Variants in ATAD2B observed in about 807,000 individuals in gnomAD.
ATAD2B encodes ATPase family AAA domain containing 2B, also known as ATPase family AAA domain-containing protein 2B.
ATAD2B carries 40 observed loss-of-function variants against 167.6 expected under a neutral mutation model. That is an observed-to-expected ratio of 0.24 (90% CI 0.19 to 0.31). ATAD2B has a LOEUF of 0.31. Among genes scored for constraint, ATAD2B ranks in the 10% least tolerant of loss-of-function variants. ATAD2B has a pLI of 1.00. For missense variants in ATAD2B, 1,242 were observed against 1,757.2 expected (o/e 0.71, Z 5.24); for synonymous variants, 579 against 596.5 (o/e 0.97, Z 0.43).
the ATAD2B span, chr2:23,696,078 C>A: frequency 6.4e-7 from 1 of 1,551,846 alleles, no homozygotes; most frequent in Non-Finnish European, 8.7e-7. The surrounding 1 kb of genome is among the most constrained non-coding windows in gnomAD (Gnocchi z 5.5). Context: ...CGCTGCCCTT[C>A]TATGACCGCG....
chr2:23,818,744 T>C (rs999622534), intron 17 of ATAD2B, among the ~76,000 whole-genome samples: 1 of 152,222 alleles, frequency 6.6e-6, no homozygotes, highest in African/African-American at 2.4e-5. Context: ...TGAAGCTTTA[T>C]GGTCCTTCAA....
chr2:23,866,823 TAG>T (rs1260976547), intron 10 of ATAD2B, among the ~76,000 whole-genome samples: 1 of 152,222 alleles, frequency 6.6e-6, no homozygotes, highest in Non-Finnish European at 1.5e-5. Context: ...TTATGTTGTA[TAG>T]AGAGATTTTT....
At chr2:23,769,140 T>G (rs1446382890) in intron 22 of ATAD2B, among the ~76,000 whole-genome samples, 1 of 152,098 alleles carries the variant, frequency 6.6e-6, no homozygotes, top group African/African-American at 2.4e-5. Context: ...CTTATATCTC[T>G]CATATAAAAT....
chr2:23,849,427 A>T (rs1343522413), intron 13 of ATAD2B, among the ~76,000 whole-genome samples: 1 of 152,260 alleles, frequency 6.6e-6, no homozygotes, highest in Non-Finnish European at 1.5e-5. Flanking sequence ...AAAATTTCAA[A>T]ATATGTGAGA....
intron 10 of ATAD2B, among the ~76,000 whole-genome samples, chr2:23,865,628 T>C (rs968350393): frequency 5.9e-5 from 9 of 152,110 alleles, no homozygotes; most frequent in African/African-American, 2.2e-4. Flanking sequence ...GAGGCAAAAA[T>C]TGGTTCAAGG....
chr2:23,695,520 C>G, the ATAD2B span: 1 of 811,144 alleles, frequency 1.2e-6, no homozygotes, highest in Admixed American at 2.7e-5. This position sits in a 1 kb window ranked among gnomAD's most constrained non-coding sequence, Gnocchi z 7.6. Context: ...CCTAACACAG[C>G]CTGGAATTAT....
the ATAD2B span, chr2:23,695,802 C>T: frequency 6.5e-7 from 1 of 1,549,686 alleles, no homozygotes; most frequent in East Asian, 2.4e-5. This position sits in a 1 kb window ranked among gnomAD's most constrained non-coding sequence, Gnocchi z 7.6. Flanking sequence ...CGCCCCGAAC[C>T]CGGCCGCGCC....
chr2:23,831,040 A>G (rs1688974298), intron 14 of ATAD2B, among the ~76,000 whole-genome samples: 2 of 152,192 alleles, frequency 1.3e-5, no homozygotes, highest in Non-Finnish European at 2.9e-5. Flanking sequence ...TTGTCATACT[A>G]AAAACAAGAC....
intron 13 of ATAD2B, among the ~76,000 whole-genome samples, chr2:23,849,922 C>T (rs1013416543): frequency 6.6e-6 from 1 of 151,812 alleles, no homozygotes; most frequent in Non-Finnish European, 1.5e-5. Context: ...TGGCAGAATG[C>T]AAATTCACAG....
chr2:23,685,306 C>T, the ATAD2B span: 1 of 151,932 alleles, frequency 6.6e-6, no homozygotes, highest in Non-Finnish European at 1.5e-5. Context: ...GCAAAGAAGT[C>T]AGGGGCCACC....
In ATAD2B at chr2:23,764,891, C is replaced by A. The variant is rs550344920; in HGVS notation, c.3256+615G>T. Among the ~76,000 whole-genome samples, 7 of 152,322 alleles carry A rather than the reference C, an allele frequency of 4.6e-5. No individual in the cohort carries two copies. The South Asian group carries it at 1.0e-3, about 23-fold the overall frequency. ...CCTCCCTAGTCCATTAGAGAGAACACTTCTATATTCACTCCTTACTCTGAT... is the reference window on the plus strand; with the variant it reads ...CCTCCCTAGTCCATTAGAGAGAACAATTCTATATTCACTCCTTACTCTGAT... On this transcript the variant is annotated intron_variant, in intron 23 of 27. Transcript: ENST00000238789.
At chr2:23,840,860 GT>G (rs1414112745) in intron 13 of ATAD2B, among the ~76,000 whole-genome samples, 13 of 152,128 alleles carry the variant, frequency 8.5e-5, no homozygotes, top group Admixed American at 8.5e-4. Context: ...AGTTCTGTCA[GT>G]TTTTGTTTTA....
At chr2:23,842,410 C>T (rs1691062253) in intron 13 of ATAD2B, among the ~76,000 whole-genome samples, 1 of 152,108 alleles carries the variant, frequency 6.6e-6, no homozygotes, top group Non-Finnish European at 1.5e-5. Context: ...CATTATAATA[C>T]ATGAATATAT....
At chr2:23,824,359 A>ACAT (rs1406297168) in intron 15 of ATAD2B, among the ~76,000 whole-genome samples, 12 of 152,224 alleles carry the variant, frequency 7.9e-5, no homozygotes. Context: ...AGTCCTCATG[A>ACAT]CATCATACTC....
At chr2:23,881,360 C>CTTT (rs11361642) in intron 6 of ATAD2B, among the ~76,000 whole-genome samples, 4 of 80,190 alleles carry the variant, frequency 5.0e-5, no homozygotes, top group East Asian at 3.7e-4. Flanking sequence ...GTGATCAATT[C>CTTT]TTTTTTTTTT....
intron 22 of ATAD2B, among the ~76,000 whole-genome samples, chr2:23,780,533 G>A (rs1679866890): frequency 6.6e-6 from 1 of 152,120 alleles, no homozygotes; most frequent in South Asian, 2.1e-4. Context: ...CTAATTTCAT[G>A]TGAAATTGAG....
intron 22 of ATAD2B, among the ~76,000 whole-genome samples, chr2:23,772,939 T>C (rs1172090212): frequency 1.3e-5 from 2 of 152,190 alleles, no homozygotes; most frequent in African/African-American, 4.8e-5. Flanking sequence ...TGTCTTGCCA[T>C]GCCCAGGTTT....
At chr2:23,729,689 A>G in the ATAD2B span, among the ~76,000 whole-genome samples, 2 of 152,184 alleles carry the variant, frequency 1.3e-5, no homozygotes, top group Non-Finnish European at 2.9e-5. Flanking sequence ...TAGAGGGGGA[A>G]AAAAGTAAAA....
At chr2:23,863,606 G>C in intron 11 of ATAD2B, 51 bp from the exon 12 acceptor site, 1 of 1,446,450 alleles carries the variant, frequency 6.9e-7, no homozygotes, top group South Asian at 1.4e-5. Context: ...CATCACTGCT[G>C]ATAACCAATT....
Sources: gnomAD v4.1 joint callset for allele counts (sites outside exome capture counted in the v4.1 genomes callset) on GRCh38, gnomAD v4.1.1 for gene constraint, Gnocchi (gnomAD v3.1) non-coding constraint, MANE v1.5 for transcripts, NCBI Gene and HGNC (gene_info 2026-07-23, HGNC 2026-07-21) for gene names.